The following LONP2 variants were observed in gnomAD, a reference collection of about 807,000 sequenced individuals.
LONP2 encodes lon peptidase 2, peroxisomal, also known as lon protease homolog 2, peroxisomal.
In LONP2, 60 loss-of-function variants were observed where a neutral mutation model predicts 85.6. That is an observed-to-expected ratio of 0.70 (90% CI 0.57 to 0.87). The LOEUF is 0.87. LONP2 is among the 40% of genes least tolerant of loss of function. The pLI is 0.00. For synonymous variants in LONP2, 395 were observed against 389.7 expected (o/e 1.01, Z -0.16); for missense variants, 860 against 1,063.5 (o/e 0.81, Z 2.66).
intron 8 of LONP2, among the ~76,000 whole-genome samples, chr16:48,293,091 A>G (rs995926290): frequency 6.6e-6 from 1 of 152,202 alleles, no homozygotes; most frequent in African/African-American, 2.4e-5. Context: ...TCTAAAACAT[A>G]TCCAGCATAT....
At chr16:48,312,178 A>G (rs1011931548) in intron 11 of LONP2, among the ~76,000 whole-genome samples, 1 of 152,042 alleles carries the variant, frequency 6.6e-6, no homozygotes, top group Non-Finnish European at 1.5e-5. Context: ...CCTGGCCTCA[A>G]GTGATCCATC....
rs781328979 is a variant in LONP2, at chr16:48,252,169, G to A, written c.272G>A (p.Ser91Asn). The A allele has an allele frequency of 6.2e-7, 1 of 1,607,532 alleles. No individual in the cohort carries two copies. Residue 91 changes from serine (S) to asparagine (N), a missense_variant, in exon 2 of 15, where the codon AGT becomes AAT. Coordinates refer to ENST00000285737, the MANE Select transcript of LONP2 (RefSeq NM_031490.5). The stretch of plus-strand genomic sequence containing the variant: ...GCACTGGCCGTTCAGGTTGTGGGCA[G>A]TAACTGGCCCAAGCCCCACTACACT... ...TAALAVQVVG[S>N]NWPKPHYTLL...
rs896455865 is a variant in LONP2, at chr16:48,295,504, A to T, written c.1384-511A>T. On this transcript the variant is annotated intron_variant, in intron 8 of 14. Coordinates refer to ENST00000285737, the MANE Select transcript of LONP2 (RefSeq NM_031490.5). ...TAATTTTTACTCTTATTTAACTCATAGCAAAGGTTACTCTTATTTGGAATT... is the reference window on the plus strand; with the variant it reads ...TAATTTTTACTCTTATTTAACTCATTGCAAAGGTTACTCTTATTTGGAATT... 3.4e-4 allele frequency among the ~76,000 whole-genome samples: 52 copies of T among 152,352 alleles called. 1 individual carries two copies. Among genetic ancestry groups the T allele is most frequent in the African/African-American group, 1.2e-3 (49 of 41,592 alleles).
chr16:48,260,942 A>G (rs1341715904), intron 4 of LONP2, among the ~76,000 whole-genome samples: 1 of 152,224 alleles, frequency 6.6e-6, no homozygotes, highest in Non-Finnish European at 1.5e-5. Context: ...GTAAGAAAAA[A>G]ATATTTTGAA....
rs150791426 is a variant in LONP2 at position 48,290,753 on chromosome 16, C to T, written c.1384-5262C>T. Among the ~76,000 whole-genome samples, 519 of 152,290 alleles carry T rather than the reference C, an allele frequency of 3.4e-3. 2 individuals are homozygous for T. The highest frequency in any genetic ancestry group is 0.012 in the African/African-American group (494 of 41,544). ...GGAAGCTTCCTGACCTCAGTCCTTTCGGGTTTTTAATGGAGGCCTTGTCAC... is the reference window on the plus strand; with the variant it reads ...GGAAGCTTCCTGACCTCAGTCCTTTTGGGTTTTTAATGGAGGCCTTGTCAC... On this transcript the variant is annotated intron_variant, in intron 8 of 14. Transcript: ENST00000285737.
intron 8 of LONP2, among the ~76,000 whole-genome samples, chr16:48,281,159 TGAA>T (rs1234839653): frequency 6.6e-6 from 1 of 152,180 alleles, no homozygotes; most frequent in Non-Finnish European, 1.5e-5. Flanking sequence ...AGCCCAGATG[TGAA>T]GAATGTAATA....
rs143058426 is a variant in LONP2, at chr16:48,323,247, T to A, written c.1796-10969T>A. Reference sequence around the variant, plus strand: ...AAAAATTACTTATAGTAAATGGACATGAAAAGGTCATTTGCTTACATCTCT... The same window carrying A: ...AAAAATTACTTATAGTAAATGGACAAGAAAAGGTCATTTGCTTACATCTCT... On this transcript the variant is annotated intron_variant, in intron 11 of 14. Coordinates refer to ENST00000285737, the MANE Select transcript of LONP2 (RefSeq NM_031490.5). 3.4e-3 allele frequency among the ~76,000 whole-genome samples: 511 copies of A among 152,338 alleles called. 2 individuals are homozygous for A. The highest frequency in any genetic ancestry group is 0.012 in the African/African-American group (489 of 41,580).
At position 48,295,996 on chromosome 16, in the gene LONP2, G is replaced by T. The variant is rs1972659958; in HGVS notation, c.1384-19G>T. 6.2e-7 allele frequency: 1 copy of T among 1,605,616 alleles called. No homozygotes were observed. The highest frequency in any genetic ancestry group is 8.5e-7 in the Non-Finnish European group (1 of 1,177,662). On this transcript the variant is annotated intron_variant, in intron 8 of 14. Transcript: ENST00000285737. The stretch of plus-strand genomic sequence containing the variant: ...TTGGCACTACTAAAGTTTTTAAAAT[G>T]TTTTTTGTTCTCCCCTAGGTGTTGG...
intron 9 of LONP2, 28 bp from the exon 10 acceptor site, chr16:48,299,634 T>C (rs753305881): frequency 1.5e-5 from 24 of 1,585,968 alleles, no homozygotes; most frequent in Non-Finnish European, 8.5e-7. Context: ...ATGTAAATAA[T>C]TACAAAACAA....
intron 1 of LONP2, among the ~76,000 whole-genome samples, chr16:48,251,536 C>T (rs986929786): frequency 3.9e-5 from 6 of 152,156 alleles, no homozygotes; most frequent in African/African-American, 1.2e-4. Context: ...TCTCCTCAGT[C>T]TATGGCAGTG....
chr16:48,314,085 G>T (rs1973091411), intron 11 of LONP2, among the ~76,000 whole-genome samples: 1 of 150,902 alleles, frequency 6.6e-6, no homozygotes, highest in African/African-American at 2.4e-5. Context: ...TCCTATGTTT[G>T]TTGGCAACAT....
chr16:48,300,888 G>A (rs553150042), intron 10 of LONP2, among the ~76,000 whole-genome samples: 2 of 152,300 alleles, frequency 1.3e-5, no homozygotes, highest in Middle Eastern at 3.4e-3. Context: ...TGTAAAATAT[G>A]AGGGATGGAG....
At chr16:48,299,809 C>T (rs1972764614) in intron 10 of LONP2, 21 bp downstream of exon 10, 3 of 1,603,176 alleles carry the variant, frequency 1.9e-6, no homozygotes, top group South Asian at 2.2e-5. Context: ...CATCCTGAGG[C>T]TTCATTAACT....
chr16:48,351,757 C>T lies in LONP2; in HGVS notation c.2514C>T (p.Gly838=). Residue 838 remains glycine (G), a synonymous_variant, in exon 15 of 15, where the codon GGC becomes GGT. Transcript: ENST00000285737. ...TTCTTAATGCAGCTTTTGATGGTGG[C>T]TTTACTGTCAAGACCAGACCTGGTC... ...DEVLNAAFDG[G]FTVKTRPGLL... is the part of the protein sequence containing the mutation. The T allele has an allele frequency of 6.2e-7, 1 of 1,614,116 alleles. No homozygotes were observed. Among genetic ancestry groups the T allele is most frequent in the Non-Finnish European group, 8.5e-7 (1 of 1,180,010 alleles).
intron 4 of LONP2, among the ~76,000 whole-genome samples, chr16:48,260,553 C>G (rs562984288): frequency 6.6e-6 from 1 of 152,344 alleles, no homozygotes; most frequent in South Asian, 2.1e-4. Context: ...AAGCAGTGTT[C>G]ATGCCATTGC....
At chr16:48,319,331 A>G (rs1973213981) in intron 11 of LONP2, among the ~76,000 whole-genome samples, 1 of 152,022 alleles carries the variant, frequency 6.6e-6, no homozygotes, top group African/African-American at 2.4e-5. Flanking sequence ...CAGTGAGCCA[A>G]AAATCAAGCC....
intron 8 of LONP2, among the ~76,000 whole-genome samples, chr16:48,293,297 G>A (rs1472538486): frequency 2.6e-5 from 4 of 152,076 alleles, no homozygotes; most frequent in African/African-American, 4.8e-5. Flanking sequence ...GCATGGTGGC[G>A]GGCGCCTGTA....
intron 11 of LONP2, among the ~76,000 whole-genome samples, chr16:48,316,513 G>C (rs941365111): frequency 6.6e-6 from 1 of 151,394 alleles, no homozygotes; most frequent in Non-Finnish European, 1.5e-5. Flanking sequence ...TTTTAGTAGA[G>C]ACGGGGTTTC....
chr16:48,357,746 G>C (rs1368907555), downstream of LONP2, among the ~76,000 whole-genome samples: 1 of 152,180 alleles, frequency 6.6e-6, no homozygotes, highest in Non-Finnish European at 1.5e-5. Context: ...TTGGGGGTTG[G>C]AGGCAGCACA....
Sources: allele counts gnomAD v4.1 joint callset (sites outside exome capture counted in the v4.1 genomes callset), GRCh38; gene constraint gnomAD v4.1.1; transcripts MANE v1.5; gene names NCBI Gene and HGNC (gene_info 2026-07-23, HGNC 2026-07-21).